NCALD: variants seen among roughly 807,000 people sequenced by gnomAD.
NCALD encodes neurocalcin delta.
NCALD carries 10 observed loss-of-function variants against 18.6 expected under a neutral mutation model. The observed-to-expected ratio is 0.54, with a 90% CI of 0.33 to 0.91. The LOEUF (loss-of-function observed/expected upper bound fraction) is 0.91, where lower values mean the gene tolerates loss of function less well. Among genes scored for constraint, NCALD ranks in the 40% least tolerant of loss-of-function variants. The pLI, the probability that NCALD is intolerant of heterozygous loss-of-function variation, is 0.03. For missense variants in NCALD, 184 were observed against 247.6 expected, an observed-to-expected ratio of 0.74 and a Z score of 1.72; for synonymous variants, 88 against 87.4, an observed-to-expected ratio of 1.01 and a Z score of -0.04.
At chr8:102,056,706 C>A (rs993807486) in intron 1 of NCALD, among the ~76,000 whole-genome samples, 4 of 152,232 alleles carry the variant, frequency 2.6e-5, no homozygotes, top group African/African-American at 9.6e-5. Flanking sequence ...ACTGTCCCAT[C>A]CAGTTGATGA....
intron 3 of NCALD, among the ~76,000 whole-genome samples, chr8:101,895,661 C>A (rs1248911293): frequency 1.3e-5 from 2 of 148,814 alleles, no homozygotes; most frequent in Non-Finnish European, 1.5e-5. Context: ...GCAACTTCAG[C>A]AAAGTCTCAG....
chr8:102,016,994 T>G (rs1183768543), intron 2 of NCALD, among the ~76,000 whole-genome samples: 1 of 151,918 alleles, frequency 6.6e-6, no homozygotes, highest in African/African-American at 2.4e-5. Flanking sequence ...AGATAAAGGA[T>G]CTTAGATGAG....
intron 1 of NCALD, among the ~76,000 whole-genome samples, chr8:101,785,598 G>A (rs1349329451): frequency 6.6e-6 from 1 of 152,162 alleles, no homozygotes; most frequent in Non-Finnish European, 1.5e-5. Context: ...ATGCCATTAA[G>A]ATTGGGGGCT....
chr8:101,691,522 A>G (rs1814727846), intron 3 of NCALD: 46 of 985,396 alleles, frequency 4.7e-5, no homozygotes, highest in Non-Finnish European at 5.4e-5. Context: ...CTGGACCTAG[A>G]GCACAGCACA....
intron 1 of NCALD, among the ~76,000 whole-genome samples, chr8:101,723,129 T>C (rs1267984541): frequency 6.6e-6 from 1 of 152,214 alleles, no homozygotes; most frequent in Non-Finnish European, 1.5e-5. Context: ...TAATTGGCAG[T>C]TAAGAGAAAA....
intron 1 of NCALD, among the ~76,000 whole-genome samples, chr8:102,110,203 T>C (rs557145624): frequency 2.7e-4 from 41 of 152,296 alleles, no homozygotes; most frequent in African/African-American, 9.1e-4. Flanking sequence ...ATCACAACCA[T>C]ATATTACTTT....
chr8:101,949,028 T>C (rs1188615506), intron 2 of NCALD, among the ~76,000 whole-genome samples: 2 of 152,194 alleles, frequency 1.3e-5, no homozygotes, highest in Non-Finnish European at 2.9e-5. Context: ...AAACATCTTA[T>C]AGAGTTCATT....
upstream of NCALD, among the ~76,000 whole-genome samples, chr8:101,794,724 T>C (rs780857272): frequency 2.2e-4 from 33 of 152,270 alleles, no homozygotes; most frequent in Non-Finnish European, 4.3e-4. Context: ...TATTTCACAA[T>C]TGAAGAAACT....
intron 4 of NCALD, among the ~76,000 whole-genome samples, chr8:101,882,174 A>T: frequency 6.6e-6 from 1 of 152,158 alleles, no homozygotes; most frequent in East Asian, 1.9e-4. Context: ...ATACTGAAGG[A>T]TCACGCTAAC....
Position 101,867,967 on chromosome 8 carries a change from C to A in NCALD, c.-20+19174G>T, listed in dbSNP as rs546869181. ...TATCTGGTCCCCGCCCCCCGCCAAC[C>A]TTTTTTTTGGCTTGCACATTGTTTA... On this transcript the variant is annotated intron_variant, in intron 4 of 6. Coordinates refer to the NCALD transcript ENST00000311028. Among the ~76,000 whole-genome samples the A allele has an allele frequency of 4.6e-5, 7 of 152,018 alleles. No individual in the cohort carries two copies. In the East Asian group the frequency reaches 1.2e-3, roughly 25 times the overall value.
At chr8:101,863,603 G>A (rs1047611260) in intron 4 of NCALD, among the ~76,000 whole-genome samples, 2 of 152,044 alleles carry the variant, frequency 1.3e-5, no homozygotes, top group Non-Finnish European at 2.9e-5. Flanking sequence ...TCTGTGGGAG[G>A]GCAGGTCTCC....
At chr8:102,060,484 T>C (rs987788796) in intron 1 of NCALD, among the ~76,000 whole-genome samples, 1 of 152,182 alleles carries the variant, frequency 6.6e-6, no homozygotes, top group Non-Finnish European at 1.5e-5. Flanking sequence ...ACTAATTTCC[T>C]TCCTCCCTTC....
intron 4 of NCALD, among the ~76,000 whole-genome samples, chr8:101,835,220 G>A (rs2131264815): frequency 6.6e-6 from 1 of 152,364 alleles, no homozygotes. Flanking sequence ...CGTGCAGTAA[G>A]TGCCACTTGG....
chr8:101,747,218 G>A (rs1586385832), intron 1 of NCALD, among the ~76,000 whole-genome samples: 1 of 152,038 alleles, frequency 6.6e-6, no homozygotes, highest in East Asian at 1.9e-4. Context: ...TGTGACACAG[G>A]CAAAATCTGG....
At chr8:101,826,138 G>C (rs1167311778) in intron 4 of NCALD, among the ~76,000 whole-genome samples, 1 of 151,372 alleles carries the variant, frequency 6.6e-6, no homozygotes, top group African/African-American at 2.4e-5. Context: ...GGTTCCATGA[G>C]TAGCTGGAGC....
At chr8:101,718,559 C>A (rs1816195818) in intron 2 of NCALD, among the ~76,000 whole-genome samples, 1 of 152,196 alleles carries the variant, frequency 6.6e-6, no homozygotes, top group Non-Finnish European at 1.5e-5. Flanking sequence ...GCGTCTGCAT[C>A]TTCATCAGTA....
At chr8:102,071,658 A>C (rs947652223) in intron 1 of NCALD, among the ~76,000 whole-genome samples, 1 of 152,226 alleles carries the variant, frequency 6.6e-6, no homozygotes, top group Non-Finnish European at 1.5e-5. Flanking sequence ...AGAGAAACAA[A>C]ATAGAGTTAG....
chr8:102,103,626 C>T (rs1421724595), intron 1 of NCALD, among the ~76,000 whole-genome samples: 2 of 152,124 alleles, frequency 1.3e-5, no homozygotes. Context: ...GCAGTCACAG[C>T]TCACTGCAGC....
chr8:102,103,828 C>T (rs991765315), intron 1 of NCALD, among the ~76,000 whole-genome samples: 1 of 152,126 alleles, frequency 6.6e-6, no homozygotes, highest in Non-Finnish European at 1.5e-5. Flanking sequence ...AACATTTTGG[C>T]ATATGAGGGG....
Sources: gnomAD v4.1 joint callset for allele counts (sites outside exome capture counted in the v4.1 genomes callset) on GRCh38, gnomAD v4.1.1 for gene constraint, MANE v1.5 for transcripts, NCBI Gene and HGNC (gene_info 2026-07-23, HGNC 2026-07-21) for gene names.